The following C13orf42 variants were observed in gnomAD, a reference collection of about 807,000 sequenced individuals.
C13orf42 encodes the protein uncharacterized protein C13orf42.
At chr13:51,145,544 A>C (rs1423461587) in intron 1 of C13orf42, among the ~76,000 whole-genome samples, 1 of 152,150 alleles carries the variant, frequency 6.6e-6, no homozygotes, top group Non-Finnish European at 1.5e-5. Flanking sequence ...TTTTTTAAAA[A>C]AGGGGGGAAA....
chr13:51,132,823 G>C (rs1456635785), intron 1 of C13orf42, among the ~76,000 whole-genome samples: 2 of 152,166 alleles, frequency 1.3e-5, no homozygotes, highest in African/African-American at 4.8e-5. Context: ...GGATGAGATA[G>C]GAGATTGACA....
At chr13:51,100,255 A>G (rs1300263482) in intron 1 of C13orf42, among the ~76,000 whole-genome samples, 1 of 152,214 alleles carries the variant, frequency 6.6e-6, no homozygotes, top group Non-Finnish European at 1.5e-5. Context: ...GGACTTTCTA[A>G]GCATGAAAGC....
rs975103722 is a variant in C13orf42, at chr13:51,082,175, A to T, written c.*1976T>A. 4 of 152,246 alleles carry T rather than the reference A, an allele frequency of 2.6e-5. No homozygotes were observed. Among genetic ancestry groups the T allele is most frequent in the African/African-American group, 9.6e-5 (4 of 41,466 alleles). The allele number at this position is 152,246 out of a possible 1,614,324, so 9.4% of individuals were successfully genotyped here. ...GATTTCATTTATCTCAAACCCCACCAGACACCATCTCAAGATTCCCCAGGC... is the reference window on the plus strand; with the variant it reads ...GATTTCATTTATCTCAAACCCCACCTGACACCATCTCAAGATTCCCCAGGC... On this transcript the variant is annotated 3_prime_UTR_variant, in exon 4 of 4. Transcript: ENST00000563710.
intron 1 of C13orf42, among the ~76,000 whole-genome samples, chr13:51,136,271 AG>A (rs1953657127): frequency 6.6e-6 from 1 of 152,186 alleles, no homozygotes; most frequent in African/African-American, 2.4e-5. Flanking sequence ...TTCCACTGGT[AG>A]GAAGACACAG....
intron 1 of C13orf42, among the ~76,000 whole-genome samples, chr13:51,169,391 A>G (rs1953927496): frequency 1.3e-5 from 2 of 152,126 alleles, no homozygotes; most frequent in Non-Finnish European, 2.9e-5. Flanking sequence ...AAAAGTTTGG[A>G]AAATTTGTAG....
chr13:51,122,917 C>A (rs962899910), intron 1 of C13orf42, among the ~76,000 whole-genome samples: 1 of 152,180 alleles, frequency 6.6e-6, no homozygotes, highest in Non-Finnish European at 1.5e-5. Context: ...CATCTAAAGT[C>A]AAACCAAGAG....
intron 1 of C13orf42, among the ~76,000 whole-genome samples, chr13:51,092,860 A>G (rs1201243370): frequency 1.3e-5 from 2 of 152,122 alleles, no homozygotes. Context: ...TATGAACCCC[A>G]TATACTCATC....
intron 1 of C13orf42, among the ~76,000 whole-genome samples, chr13:51,151,015 G>A (rs1301607278): frequency 6.6e-6 from 1 of 150,872 alleles, no homozygotes; most frequent in East Asian, 1.9e-4. Context: ...TGAGCTGTGT[G>A]CATAAGGCCA....
rs1033765301 is a variant in C13orf42 at position 51,084,088 on chromosome 13, G to A, written c.*63C>T. 2.5e-6 allele frequency: 1 copy of A among 398,390 alleles called. No individual in the cohort carries two copies. The highest frequency in any genetic ancestry group is 4.4e-6 in the Non-Finnish European group (1 of 226,036). The allele number at this position is 398,390 out of a possible 1,614,324, so 24.7% of individuals were successfully genotyped here. A position where few individuals can be genotyped will look rare whatever the true frequency, so the allele number is the denominator to read the frequency against. ...TCAACTCTACCAAATACCTCATGCT[G>A]CGCTGAAAGCGGACAGCTTCTCAGG... On this transcript the variant is annotated 3_prime_UTR_variant, in exon 4 of 4. Transcript: ENST00000563710.
At chr13:51,138,083 CA>C (rs1953670591) in intron 1 of C13orf42, among the ~76,000 whole-genome samples, 1 of 152,198 alleles carries the variant, frequency 6.6e-6, no homozygotes, top group African/African-American at 2.4e-5. Context: ...TTCTGTCCCC[CA>C]TTCTTCTAGA....
At chr13:51,171,804 G>T (rs1013398482) in intron 1 of C13orf42, among the ~76,000 whole-genome samples, 1 of 152,054 alleles carries the variant, frequency 6.6e-6, no homozygotes, top group Non-Finnish European at 1.5e-5. Flanking sequence ...TAAAAATCCA[G>T]CCCAGTTCAT....
upstream of C13orf42, among the ~76,000 whole-genome samples, chr13:51,112,710 G>T (rs1487329314): frequency 1.3e-5 from 2 of 152,148 alleles, no homozygotes; most frequent in Non-Finnish European, 2.9e-5. Flanking sequence ...CATCTTTAGT[G>T]GTCATCAATT....
At position 51,119,957 on chromosome 13, in the gene C13orf42, G is replaced by A. The variant is rs904652294; in HGVS notation, n.137-6735C>T. 5.5e-5 allele frequency among the ~76,000 whole-genome samples: 8 copies of A among 144,656 alleles called. No homozygotes were observed. The East Asian group carries it at 8.3e-4, about 15-fold the overall frequency. 94.9% of individuals were successfully genotyped at this position (144,656 alleles called of 152,430 possible). On this transcript the variant is annotated intron_variant and non_coding_transcript_variant, in intron 1 of 4. Coordinates refer to the C13orf42 transcript ENST00000433280. ...GAGGAACTCCCGACTCAAAGAGATC[G>A]GAGAATCTGGGAATTTTTCCTTTTA...
chr13:51,157,671 T>A (rs1183132213), intron 1 of C13orf42, among the ~76,000 whole-genome samples: 2 of 152,152 alleles, frequency 1.3e-5, no homozygotes, highest in Non-Finnish European at 2.9e-5. Flanking sequence ...TGTTCCTTAC[T>A]GCACCCCTAC....
At chr13:51,089,953 A>T (rs545751885) in intron 1 of C13orf42, among the ~76,000 whole-genome samples, 5 of 152,024 alleles carry the variant, frequency 3.3e-5, no homozygotes, top group African/African-American at 1.2e-4. Context: ...GTCCCAGAAC[A>T]TCATGGGTGG....
intron 1 of C13orf42, among the ~76,000 whole-genome samples, chr13:51,108,069 C>T (rs1350670720): frequency 1.3e-5 from 2 of 152,172 alleles, no homozygotes; most frequent in Non-Finnish European, 2.9e-5. Context: ...GGCCTTTCTC[C>T]TGGCTTCTGG....
intron 1 of C13orf42, among the ~76,000 whole-genome samples, chr13:51,102,624 G>A (rs1266779102): frequency 6.6e-6 from 1 of 152,140 alleles, no homozygotes; most frequent in South Asian, 2.1e-4. Context: ...AGTTCATTCA[G>A]GCAGACATAT....
intron 1 of C13orf42, among the ~76,000 whole-genome samples, chr13:51,142,075 GC>G: frequency 6.6e-6 from 1 of 152,220 alleles, no homozygotes; most frequent in East Asian, 1.9e-4. Context: ...AATGATCTTC[GC>G]TTATGTAATT....
chr13:51,103,349 A>G (rs1953312872), intron 1 of C13orf42, among the ~76,000 whole-genome samples: 1 of 152,174 alleles, frequency 6.6e-6, no homozygotes, highest in Non-Finnish European at 1.5e-5. Flanking sequence ...TGCAGAGCAC[A>G]GGCTTCAACT....
Sources: gnomAD v4.1 joint callset for allele counts (sites outside exome capture counted in the v4.1 genomes callset) on GRCh38, gnomAD v4.1.1 for gene constraint, MANE v1.5 for transcripts, NCBI Gene and HGNC (gene_info 2026-07-23, HGNC 2026-07-21) for gene names.